Variants in DENND1A observed in about 807,000 individuals in gnomAD.
DENND1A encodes the protein DENN domain containing 1A, also known as DENN domain-containing protein 1A.
A neutral mutation model predicts 113.7 loss-of-function variants in DENND1A; 51 were observed. The observed-to-expected ratio is 0.45, with a 90% CI of 0.36 to 0.57. The LOEUF (loss-of-function observed/expected upper bound fraction) is 0.57, where lower values mean the gene tolerates loss of function less well. Ranked by LOEUF, DENND1A falls within the 20% of genes least tolerant of loss-of-function variation. The probability of loss-of-function intolerance (pLI) is 0.00; values close to 1 mark genes in which losing one functional copy is unlikely to be tolerated. For missense variants in DENND1A, 1,258 were observed against 1,395.9 expected (o/e 0.90, Z 1.57); for synonymous variants, 565 against 570.8 (o/e 0.99, Z 0.14).
intron 4 of DENND1A, among the ~76,000 whole-genome samples, chr9:123,766,830 T>A (rs1041480458): frequency 6.6e-6 from 1 of 152,158 alleles, no homozygotes; most frequent in African/African-American, 2.4e-5. Context: ...AAAAGAAAAA[T>A]CTTAAAACAA....
At chr9:123,436,988 G>C (rs1330061134) in intron 19 of DENND1A, among the ~76,000 whole-genome samples, 1 of 152,208 alleles carries the variant, frequency 6.6e-6, no homozygotes, top group African/African-American at 2.4e-5. Context: ...TTTAATTAAA[G>C]TGTCCAACTT....
chr9:123,430,546 A>T (rs915449306), intron 19 of DENND1A, among the ~76,000 whole-genome samples: 3 of 152,250 alleles, frequency 2.0e-5, no homozygotes, highest in African/African-American at 7.2e-5. Flanking sequence ...GTTGGAAACC[A>T]TTATCCTCAG....
At chr9:123,388,628 T>C (rs1484378821) in intron 21 of DENND1A, among the ~76,000 whole-genome samples, 1 of 152,168 alleles carries the variant, frequency 6.6e-6, no homozygotes, top group African/African-American at 2.4e-5. Context: ...AAATATTCAT[T>C]GTTATAAAAA....
In DENND1A at chr9:123,816,658, A is replaced by G. The variant is rs1414804138; in HGVS notation, c.89-24028T>C. On this transcript the variant is annotated intron_variant, in intron 2 of 23. Transcript: ENST00000394215. ...AAAAATAATTACCTGGTCCTCTCAC[A>G]CTACCCTTGAGGGCCAATGAGTAAG... Among the ~76,000 whole-genome samples, 3 of 152,248 alleles carry G rather than the reference A, an allele frequency of 2.0e-5. No homozygotes were observed. The East Asian group carries it at 5.8e-4, about 29-fold the overall frequency.
At chr9:123,762,341 G>A (rs2071110219) in intron 4 of DENND1A, among the ~76,000 whole-genome samples, 1 of 152,192 alleles carries the variant, frequency 6.6e-6, no homozygotes, top group South Asian at 2.1e-4. Context: ...TGAAAAACAA[G>A]GGAGAAAAGC....
chr9:123,871,202 C>T (rs1032926286), intron 2 of DENND1A, among the ~76,000 whole-genome samples: 1 of 152,094 alleles, frequency 6.6e-6, no homozygotes. Context: ...CACACCTCAG[C>T]CTTCTGAGTA....
At chr9:123,775,677 G>T (rs1830372811) in intron 3 of DENND1A, among the ~76,000 whole-genome samples, 1 of 152,132 alleles carries the variant, frequency 6.6e-6, no homozygotes, top group South Asian at 2.1e-4. Context: ...TCATTATCAA[G>T]CTCAAAGTCC....
At chr9:123,527,477 C>G (rs983180657) in intron 13 of DENND1A, among the ~76,000 whole-genome samples, 2 of 152,158 alleles carry the variant, frequency 1.3e-5, no homozygotes, top group African/African-American at 4.8e-5. Context: ...GCCACACCCT[C>G]CCTTGTGTCT....
intron 8 of DENND1A, among the ~76,000 whole-genome samples, chr9:123,665,268 T>C (rs1210176329): frequency 6.6e-6 from 1 of 152,210 alleles, no homozygotes; most frequent in African/African-American, 2.4e-5. Flanking sequence ...TGTTTCCTTA[T>C]ATTAAATAAT....
intron 12 of DENND1A, among the ~76,000 whole-genome samples, chr9:123,561,607 C>T (rs377001070): frequency 6.6e-6 from 1 of 152,120 alleles, no homozygotes; most frequent in African/African-American, 2.4e-5. Context: ...CTCAGTACCC[C>T]GAGGGGTGCT....
intron 2 of DENND1A, among the ~76,000 whole-genome samples, chr9:123,809,125 G>T (rs867478018): frequency 2.6e-5 from 4 of 152,150 alleles, no homozygotes; most frequent in Non-Finnish European, 5.9e-5. Flanking sequence ...TAGAAGGAAC[G>T]GCACGATGGT....
chr9:123,839,191 AC>A (rs1046261570), intron 2 of DENND1A, among the ~76,000 whole-genome samples: 4 of 152,218 alleles, frequency 2.6e-5, no homozygotes, highest in African/African-American at 9.6e-5. Flanking sequence ...TAAGTGGTGA[AC>A]GAAGGAAGCC....
intron 10 of DENND1A, among the ~76,000 whole-genome samples, chr9:123,628,151 T>C (rs1177370038): frequency 1.3e-5 from 2 of 151,732 alleles, no homozygotes; most frequent in African/African-American, 2.4e-5. Context: ...TAAATTAATC[T>C]CACTATAGAT....
chr9:123,839,849 C>T (rs1841568732), intron 2 of DENND1A, among the ~76,000 whole-genome samples: 1 of 152,054 alleles, frequency 6.6e-6, no homozygotes, highest in Admixed American at 6.5e-5. Flanking sequence ...GCATCTACCA[C>T]CTATGAATTA....
At chr9:123,818,573 T>C (rs1289519022) in intron 2 of DENND1A, among the ~76,000 whole-genome samples, 10 of 150,128 alleles carry the variant, frequency 6.7e-5, no homozygotes, top group African/African-American at 2.2e-4. Flanking sequence ...CACACATATA[T>C]ATATATATAT....
intron 13 of DENND1A, among the ~76,000 whole-genome samples, chr9:123,467,542 C>A (rs1317727933): frequency 6.6e-6 from 1 of 152,138 alleles, no homozygotes; most frequent in Admixed American, 6.5e-5. Context: ...GTAATCCCAG[C>A]TACTCAGGAG....
intron 21 of DENND1A, among the ~76,000 whole-genome samples, chr9:123,397,052 G>T (rs1307520956): frequency 6.6e-6 from 1 of 152,196 alleles, no homozygotes; most frequent in African/African-American, 2.4e-5. Context: ...CTATAAAATA[G>T]ATCTCATAAG....
chr9:123,443,203 A>G (rs1296479042), intron 18 of DENND1A, among the ~76,000 whole-genome samples: 1 of 152,204 alleles, frequency 6.6e-6, no homozygotes, highest in Non-Finnish European at 1.5e-5. Flanking sequence ...ATATCATCCC[A>G]TAACGACAGC....
chr9:123,402,143 G>T (rs529856289), intron 21 of DENND1A, among the ~76,000 whole-genome samples: 1 of 152,308 alleles, frequency 6.6e-6, no homozygotes, highest in East Asian at 1.9e-4. Flanking sequence ...GTTCCCACCA[G>T]GCTATTGTGC....
Sources: gnomAD v4.1 joint callset for allele counts (sites outside exome capture counted in the v4.1 genomes callset) on GRCh38, gnomAD v4.1.1 for gene constraint, MANE v1.5 for transcripts, NCBI Gene and HGNC (gene_info 2026-07-23, HGNC 2026-07-21) for gene names.